FYN: variants seen among roughly 807,000 people sequenced by gnomAD.
The protein encoded by FYN is FYN proto-oncogene, Src family tyrosine kinase.
FYN carries 10 observed loss-of-function variants against 70.2 expected under a neutral mutation model. The observed-to-expected ratio is 0.14, with a 90% confidence interval of 0.09 to 0.24. The LOEUF (loss-of-function observed/expected upper bound fraction) is 0.24. Ranked by LOEUF, FYN falls within the 10% of genes least tolerant of loss-of-function variation. FYN has a pLI of 1.00. For missense variants in FYN, 319 were observed against 673.1 expected (o/e 0.47, Z 5.82); for synonymous variants, 236 against 248.6 (o/e 0.95, Z 0.48).
At chr6:111,767,014 T>C (rs1047326444) in intron 3 of FYN, among the ~76,000 whole-genome samples, 6 of 152,182 alleles carry the variant, frequency 3.9e-5, no homozygotes, top group Admixed American at 6.5e-5. Flanking sequence ...GGGGATATAG[T>C]TGTCCTAGGT....
chr6:111,846,187 A>G (rs972439269), intron 2 of FYN, among the ~76,000 whole-genome samples: 31 of 152,162 alleles, frequency 2.0e-4, no homozygotes, highest in Non-Finnish European at 3.2e-4. Context: ...AGAGTGGAGG[A>G]AAAACAACAA....
intron 2 of FYN, among the ~76,000 whole-genome samples, chr6:111,786,311 T>C (rs983283264): frequency 6.6e-6 from 1 of 151,970 alleles, no homozygotes; most frequent in East Asian, 1.9e-4. Context: ...CATGCGGTGT[T>C]TGGTTTTTTG....
chr6:111,715,790 C>G (rs1415981513), intron 4 of FYN, among the ~76,000 whole-genome samples: 1 of 152,198 alleles, frequency 6.6e-6, no homozygotes, highest in Non-Finnish European at 1.5e-5. Context: ...AAGGACCGAA[C>G]TGACCATTCG....
intron 12 of FYN, among the ~76,000 whole-genome samples, chr6:111,679,990 T>A (rs1389560908): frequency 6.6e-6 from 1 of 152,122 alleles, no homozygotes; most frequent in Non-Finnish European, 1.5e-5. Context: ...TAGACTGGAT[T>A]AAGAATAAAT....
At position 111,707,997 on chromosome 6, in the gene FYN, C is replaced by A. The variant is rs763274490; in HGVS notation, c.368G>T (p.Arg123Leu). The part of the protein sequence containing the change: ...NSSEGDWWEA[R>L]SLTTGETGYI... ...ACCTGTCTCTCCAGTTGTCAAGGAG[C>A]GGGCTTCCCACCAATCTCCTTCCCT... is the stretch of plus-strand genomic sequence containing the variant. Residue 123 changes from arginine to leucine, a missense_variant, in exon 6 of 14, where the codon CGC becomes CTC. This residue lies in a region of FYN where 128 missense variants were observed against 183.9 expected (regional missense o/e 0.70). Transcript: ENST00000354650. The A allele has an allele frequency of 1.2e-6, 2 of 1,613,698 alleles. No homozygotes were observed. The highest frequency in any genetic ancestry group is 2.2e-5 in the East Asian group (1 of 44,880).
chr6:111,675,569 G>A (rs535387752), intron 12 of FYN, among the ~76,000 whole-genome samples: 15 of 152,156 alleles, frequency 9.9e-5, no homozygotes, highest in South Asian at 6.2e-4. Context: ...AGAGGCGGGC[G>A]GTCATTTGAG....
chr6:111,842,051 A>T (rs1468853994), intron 2 of FYN, among the ~76,000 whole-genome samples: 1 of 152,018 alleles, frequency 6.6e-6, no homozygotes, highest in Non-Finnish European at 1.5e-5. Flanking sequence ...CCTGCCCGCA[A>T]GTCAAAGCCA....
chr6:111,818,400 A>T (rs1278941089), intron 2 of FYN, among the ~76,000 whole-genome samples: 3 of 152,202 alleles, frequency 2.0e-5, no homozygotes, highest in African/African-American at 7.2e-5. Flanking sequence ...CAAGCTGATT[A>T]TGGACTTAAT....
chr6:111,662,674 T>C (rs78693014), intron 13 of FYN, among the ~76,000 whole-genome samples: 5,184 of 152,376 alleles, frequency 0.034, 138 homozygotes, highest in East Asian at 0.097. Flanking sequence ...CCCTTGTTTA[T>C]AGCATTTATA....
intron 7 of FYN, among the ~76,000 whole-genome samples, chr6:111,703,261 T>C (rs1323244104): frequency 2.6e-5 from 4 of 152,164 alleles, no homozygotes; most frequent in Non-Finnish European, 5.9e-5. Context: ...GAAAGCTTCC[T>C]GGACATTTTT....
intron 2 of FYN, among the ~76,000 whole-genome samples, chr6:111,791,177 G>A (rs1232184885): frequency 6.6e-6 from 1 of 152,130 alleles, no homozygotes; most frequent in Admixed American, 6.5e-5. Flanking sequence ...TAGAGTAATA[G>A]TAAAAGTGTG....
At chr6:111,852,173 A>C (rs1213232923) in intron 1 of FYN, among the ~76,000 whole-genome samples, 1 of 152,250 alleles carries the variant, frequency 6.6e-6, no homozygotes, top group Non-Finnish European at 1.5e-5. Flanking sequence ...TAACAAAATA[A>C]TCCAAATGTA....
chr6:111,854,980 G>C (rs1035295165), intron 1 of FYN, among the ~76,000 whole-genome samples: 1 of 152,204 alleles, frequency 6.6e-6, no homozygotes, highest in South Asian at 2.1e-4. Context: ...CACTCTAGGA[G>C]ACATTTCTTT....
chr6:111,848,563 C>T (rs1369663821), intron 1 of FYN, among the ~76,000 whole-genome samples: 1 of 152,124 alleles, frequency 6.6e-6, no homozygotes, highest in Admixed American at 6.5e-5. Flanking sequence ...AGTTAACTAA[C>T]AAAAACAATA....
intron 3 of FYN, among the ~76,000 whole-genome samples, chr6:111,750,867 T>A (rs1802455484): frequency 6.6e-6 from 1 of 152,114 alleles, no homozygotes; most frequent in Non-Finnish European, 1.5e-5. Flanking sequence ...CACAGAACAA[T>A]GAAAGGACAC....
intron 1 of FYN, among the ~76,000 whole-genome samples, chr6:111,862,582 C>T (rs112316221): frequency 3.4e-4 from 52 of 152,248 alleles, no homozygotes; most frequent in African/African-American, 1.2e-3. Context: ...CAGTGTGCTA[C>T]GTGCCTTAGG....
chr6:111,774,679 A>G (rs2128503192), intron 3 of FYN, among the ~76,000 whole-genome samples: 1 of 151,574 alleles, frequency 6.6e-6, no homozygotes, highest in East Asian at 2.0e-4. Context: ...GGAAGATCAA[A>G]TGTGCTGCAG....
At chr6:111,830,236 T>C (rs930099016) in intron 2 of FYN, among the ~76,000 whole-genome samples, 10 of 152,104 alleles carry the variant, frequency 6.6e-5, no homozygotes, top group Non-Finnish European at 1.5e-4. Context: ...AGACTAATGA[T>C]CTTACAGGGG....
chr6:111,820,756 T>C (rs1772631350), intron 2 of FYN, among the ~76,000 whole-genome samples: 1 of 151,810 alleles, frequency 6.6e-6, no homozygotes, highest in Non-Finnish European at 1.5e-5. Flanking sequence ...TAAAAAAAAA[T>C]GATATAAGCA....
Sources: gnomAD v4.1 joint callset for allele counts (sites outside exome capture counted in the v4.1 genomes callset) on GRCh38, gnomAD v4.1.1 for gene constraint, gnomAD v4.1.1 regional missense constraint, MANE v1.5 for transcripts, NCBI Gene and HGNC (gene_info 2026-07-23, HGNC 2026-07-21) for gene names.